Variants in PPFIA4 observed in about 807,000 individuals in gnomAD.
PPFIA4 encodes the protein PPFI scaffold protein A4.
PPFIA4 carries 98 observed loss-of-function variants against 145.7 expected under a neutral mutation model. That is an observed-to-expected ratio of 0.67 (90% CI 0.57 to 0.80). PPFIA4 has a LOEUF of 0.80. Among genes scored for constraint, PPFIA4 ranks in the 30% least tolerant of loss-of-function variants. The probability of loss-of-function intolerance (pLI) is 0.00; values close to 1 mark genes in which losing one functional copy is unlikely to be tolerated. For synonymous variants in PPFIA4, 628 were observed against 649.6 expected, an observed-to-expected ratio of 0.97 and a Z score of 0.51; for missense variants, 1,457 against 1,632.7, an observed-to-expected ratio of 0.89 and a Z score of 1.85.
chr1:203,058,793 C>T (rs1293607533), intron 19 of PPFIA4, among the ~76,000 whole-genome samples: 1 of 152,136 alleles, frequency 6.6e-6, no homozygotes, highest in East Asian at 1.9e-4. Context: ...CACCCCTGAC[C>T]CAAGCCAGGG....
At chr1:203,042,444 G>A (rs1026561769) in intron 2 of PPFIA4, among the ~76,000 whole-genome samples, 1 of 152,172 alleles carries the variant, frequency 6.6e-6, no homozygotes, top group Non-Finnish European at 1.5e-5. Flanking sequence ...GCTTGGTTGA[G>A]CAGGGCTCCT....
chr1:203,069,755 A>ACCCCCCCCCCCCCC (rs5780138), intron 27 of PPFIA4, among the ~76,000 whole-genome samples: 18 of 104,798 alleles, frequency 1.7e-4, no homozygotes, highest in Non-Finnish European at 2.4e-4. Context: ...TTCTGCAGTG[A>ACCCCCCCCCCCCCC]CCCCCCCGCC....
rs376137001 is a variant in PPFIA4, at chr1:203,054,007, G to A, written c.1829+46G>A. ...CTTGGGAAGTGCATTGAAGGGCAGG[G>A]GGGCCCTTTGTGTTGGAAAAACCCT... On this transcript the variant is annotated intron_variant, in intron 15 of 29. Transcript: ENST00000295706. 112 of 1,536,244 alleles carry A rather than the reference G, an allele frequency of 7.3e-5. No individual in the cohort carries two copies. In the African/African-American group the frequency reaches 1.3e-3, roughly 18 times the overall value.
At chr1:203,046,916 A>C (rs1025646485) in intron 9 of PPFIA4, among the ~76,000 whole-genome samples, 2 of 152,116 alleles carry the variant, frequency 1.3e-5, no homozygotes, top group Non-Finnish European at 2.9e-5. Flanking sequence ...AAAAGAATAC[A>C]ATTTTATTTA....
chr1:203,030,017 A>G (rs1658702078), intron 1 of PPFIA4, among the ~76,000 whole-genome samples: 1 of 152,190 alleles, frequency 6.6e-6, no homozygotes, highest in African/African-American at 2.4e-5. Flanking sequence ...TTGAATTCTC[A>G]TAAGTTAGAT....
chr1:203,041,967 G>T (rs917305965), intron 2 of PPFIA4, among the ~76,000 whole-genome samples: 2 of 152,204 alleles, frequency 1.3e-5, no homozygotes, highest in Admixed American at 1.3e-4. Flanking sequence ...GAGTAATAAT[G>T]TCAGAGGTTC....
chr1:203,067,063 C>T (rs1661772363), intron 25 of PPFIA4, among the ~76,000 whole-genome samples: 1 of 152,170 alleles, frequency 6.6e-6, no homozygotes, highest in Non-Finnish European at 1.5e-5. Flanking sequence ...GAGAAGGTGA[C>T]ATTTAAGCAA....
intron 28 of PPFIA4, among the ~76,000 whole-genome samples, chr1:203,072,637 C>T (rs778324885): frequency 3.3e-5 from 5 of 152,134 alleles, no homozygotes; most frequent in Admixed American, 1.3e-4. Flanking sequence ...AAAGAAAGCC[C>T]AGAGTGTGTG....
At chr1:203,039,297 T>G in intron 2 of PPFIA4, 55 bp downstream of exon 2, 8 of 1,343,266 alleles carry the variant, frequency 6.0e-6, no homozygotes, top group Non-Finnish European at 8.0e-6. Flanking sequence ...CTAGCCCTGC[T>G]AGATCCACTG....
At chr1:203,069,848 G>A (rs923183087) in intron 27 of PPFIA4, among the ~76,000 whole-genome samples, 13 of 146,276 alleles carry the variant, frequency 8.9e-5, no homozygotes, top group Admixed American at 3.6e-4. Flanking sequence ...CCCCAAGTGC[G>A]TTCTCTCCAC....
In PPFIA4 at chr1:203,075,647, G is replaced by A. The variant is rs764823705; in HGVS notation, c.3464G>A (p.Arg1155His). 1 of 1,502,452 alleles carries A rather than the reference G, an allele frequency of 6.7e-7. No individual in the cohort carries two copies. Among genetic ancestry groups the A allele is most frequent in the East Asian group, 2.7e-5 (1 of 37,084 alleles). The allele number at this position is 1,502,452 out of a possible 1,614,324, so 93.1% of individuals were successfully genotyped here. Residue 1155 changes from arginine to histidine, a missense_variant, in exon 29 of 30, where the codon CGC becomes CAC. Coordinates refer to ENST00000295706, the MANE Select transcript of PPFIA4 (RefSeq NM_001304331.2). The surrounding 1 kb of genome is among the most constrained non-coding windows in gnomAD (Gnocchi z 4.1). ...TTCCGGCCGCGGGAGCACCACGGTCGCGGCGGCATGCTCAGCGCTTCCGCG... is the reference window on the plus strand; with the variant it reads ...TTCCGGCCGCGGGAGCACCACGGTCACGGCGGCATGCTCAGCGCTTCCGCG... ...KRFRPREHHG[R>H]GGMLSASAET...
At chr1:203,071,337 A>G (rs933671042) in intron 27 of PPFIA4, among the ~76,000 whole-genome samples, 1 of 151,060 alleles carries the variant, frequency 6.6e-6, no homozygotes, top group East Asian at 1.9e-4. Flanking sequence ...ATGCCTGGCT[A>G]ATTTTTTGTA....
At chr1:203,028,494 C>G (rs1441748585) in intron 1 of PPFIA4, among the ~76,000 whole-genome samples, 1 of 152,028 alleles carries the variant, frequency 6.6e-6, no homozygotes, top group Non-Finnish European at 1.5e-5. Context: ...GGCTGGGGAG[C>G]TGGGTGTTAA....
At chr1:203,070,709 T>G (rs1238655185) in intron 27 of PPFIA4, among the ~76,000 whole-genome samples, 1 of 152,130 alleles carries the variant, frequency 6.6e-6, no homozygotes, top group African/African-American at 2.4e-5. Context: ...AGAGTCTGTA[T>G]GCACACAGCC....
In PPFIA4 at chr1:203,060,935, A is replaced by G; in HGVS notation, c.2785-35A>G. ...CCTGATGGGGATCCTGGGGACCCAC[A>G]CCCAGGACCAGCTAGGTTTCCTCTC... On this transcript the variant is annotated intron_variant, in intron 22 of 29. Coordinates refer to ENST00000295706, the MANE Select transcript of PPFIA4 (RefSeq NM_001304331.2). The surrounding 1 kb of genome is among the most constrained non-coding windows in gnomAD (Gnocchi z 4.8). 1 of 1,604,808 alleles carries G rather than the reference A, an allele frequency of 6.2e-7. No individual in the cohort carries two copies. Among genetic ancestry groups the G allele is most frequent in the Non-Finnish European group, 8.5e-7 (1 of 1,171,858 alleles).
Position 203,043,770 on chromosome 1 carries a change from G to A in PPFIA4, c.337-161G>A, listed in dbSNP as rs1411246038. Among the ~76,000 whole-genome samples the A allele has an allele frequency of 6.6e-6, 1 of 152,190 alleles. No individual in the cohort carries two copies. The highest frequency in any genetic ancestry group is 1.9e-4 in the East Asian group (1 of 5,186). On this transcript the variant is annotated intron_variant, in intron 3 of 29. Coordinates refer to ENST00000295706, the MANE Select transcript of PPFIA4 (RefSeq NM_001304331.2). This position sits in a 1 kb window ranked among gnomAD's most constrained non-coding sequence, Gnocchi z 4.4. ...GGGGCAGTCACCTTGAGTAGTATCA[G>A]TTGGGGCGGGAGCTCTGTGCCCATT...
At chr1:203,035,627 C>G (rs1166010438) in intron 1 of PPFIA4, 4 of 456,682 alleles carry the variant, frequency 8.8e-6, no homozygotes, top group Non-Finnish European at 1.8e-5. Context: ...GCTTTCGCCT[C>G]TGAATCAGGA....
chr1:203,062,304 C>T (rs915458118), intron 24 of PPFIA4, among the ~76,000 whole-genome samples: 1 of 149,934 alleles, frequency 6.7e-6, no homozygotes, highest in African/African-American at 2.5e-5. Flanking sequence ...AGTGAAACCC[C>T]GTCTCTACTA....
In PPFIA4 at chr1:203,076,502, T is replaced by A; in HGVS notation, c.*112T>A. Reference sequence around the variant, plus strand: ...CAGCTCCTAGTCTCGTCCGTGACTTTCCGGTTGCCCTGGATCTCAGAATAT... The same window carrying A: ...CAGCTCCTAGTCTCGTCCGTGACTTACCGGTTGCCCTGGATCTCAGAATAT... On this transcript the variant is annotated 3_prime_UTR_variant, in exon 30 of 30. Coordinates refer to ENST00000295706, the MANE Select transcript of PPFIA4 (RefSeq NM_001304331.2). 9.0e-7 allele frequency: 1 copy of A among 1,114,034 alleles called. No individual in the cohort carries two copies. Among genetic ancestry groups the A allele is most frequent in the Non-Finnish European group, 1.3e-6 (1 of 748,184 alleles). 69.0% of individuals were successfully genotyped at this position (1,114,034 alleles called of 1,614,324 possible). A position where few individuals can be genotyped will look rare whatever the true frequency, so the allele number is the denominator to read the frequency against.
Sources: gnomAD v4.1 joint callset for allele counts (sites outside exome capture counted in the v4.1 genomes callset) on GRCh38, gnomAD v4.1.1 for gene constraint, Gnocchi (gnomAD v3.1) non-coding constraint, MANE v1.5 for transcripts, NCBI Gene and HGNC (gene_info 2026-07-23, HGNC 2026-07-21) for gene names.